Variants in GLCCI1 observed in about 807,000 individuals in gnomAD.
GLCCI1 encodes glucocorticoid-induced transcript 1 protein.
In GLCCI1, 24 loss-of-function variants were observed where a neutral mutation model predicts 52.2. The observed-to-expected ratio is 0.46, with a 90% CI of 0.33 to 0.65. The LOEUF is 0.65. GLCCI1 is among the 30% of genes least tolerant of loss of function. The pLI is 0.02. For missense variants in GLCCI1, 704 were observed against 701.5 expected (o/e 1.00, Z -0.04); for synonymous variants, 310 against 276.5 (o/e 1.12, Z -1.20).
At chr7:8,078,593 A>G (rs911989408) in intron 6 of GLCCI1, 2 of 152,304 alleles carry the variant, frequency 1.3e-5, no homozygotes, top group Admixed American at 6.5e-5. Context: ...TAATTGCTCT[A>G]TTTTTTCCTA....
intron 1 of GLCCI1, among the ~76,000 whole-genome samples, chr7:7,974,740 C>T (rs34438930): frequency 0.11 from 16,659 of 152,136 alleles, 1,205 homozygotes; most frequent in African/African-American, 0.2. Flanking sequence ...TAATAATCTG[C>T]CAAAGAGTAT....
intron 6 of GLCCI1, among the ~76,000 whole-genome samples, chr7:8,076,158 C>T (rs1782873338): frequency 6.6e-6 from 1 of 152,078 alleles, no homozygotes; most frequent in African/African-American, 2.4e-5. Context: ...TATGCTTTAA[C>T]CCTCTATTTT....
At chr7:8,038,154 A>G (rs1190060425) in intron 3 of GLCCI1, among the ~76,000 whole-genome samples, 1 of 152,210 alleles carries the variant, frequency 6.6e-6, no homozygotes. Context: ...ATGGACAAAC[A>G]TTCTAAGCTC....
At chr7:8,044,147 A>G (rs895046132) in intron 3 of GLCCI1, among the ~76,000 whole-genome samples, 3 of 151,870 alleles carry the variant, frequency 2.0e-5, no homozygotes, top group Admixed American at 2.0e-4. Context: ...GGGTTTCACC[A>G]TGTTAGCCAG....
chr7:8,059,851 A>G (rs768961529), intron 4 of GLCCI1, among the ~76,000 whole-genome samples: 82 of 152,236 alleles, frequency 5.4e-4, no homozygotes, highest in Non-Finnish European at 1.0e-3. Flanking sequence ...AAGTATATAC[A>G]TTATACAGGT....
chr7:7,982,083 G>T, intron 1 of GLCCI1: 1 of 468,362 alleles, frequency 2.1e-6, no homozygotes, highest in South Asian at 1.7e-5. Flanking sequence ...AACTGAAGTC[G>T]TAGCTGATCG....
chr7:7,973,648 A>T (rs1311945498), intron 1 of GLCCI1, among the ~76,000 whole-genome samples: 2 of 152,096 alleles, frequency 1.3e-5, no homozygotes, highest in African/African-American at 4.8e-5. Flanking sequence ...AGGTTTATTT[A>T]GGCCTAATAC....
intron 1 of GLCCI1, among the ~76,000 whole-genome samples, chr7:7,985,192 G>T (rs113537684): frequency 0.04 from 6,123 of 152,058 alleles, 155 homozygotes; most frequent in Non-Finnish European, 0.057. Context: ...TGTTGTTTTC[G>T]TATATACTTA....
intron 4 of GLCCI1, 38 bp from the exon 5 acceptor site, chr7:8,060,058 C>A: frequency 1.9e-6 from 3 of 1,553,996 alleles, no homozygotes; most frequent in South Asian, 1.2e-5. Flanking sequence ...TTGCTTTGAC[C>A]ACAAATAATT....
chr7:8,075,682 TA>T (rs1202805767), intron 6 of GLCCI1, among the ~76,000 whole-genome samples: 1 of 152,230 alleles, frequency 6.6e-6, no homozygotes, highest in African/African-American at 2.4e-5. Context: ...GCAGTTGTTA[TA>T]AAATTCTGCA....
intron 3 of GLCCI1, among the ~76,000 whole-genome samples, chr7:8,050,077 CG>C (rs1562442185): frequency 6.6e-6 from 1 of 151,918 alleles, no homozygotes; most frequent in African/African-American, 2.4e-5. Context: ...TCTGGGGGTT[CG>C]GGGGTGCGTG....
intron 3 of GLCCI1, among the ~76,000 whole-genome samples, chr7:8,051,700 G>T (rs977227753): frequency 5.9e-5 from 9 of 152,126 alleles, no homozygotes; most frequent in African/African-American, 1.9e-4. Context: ...CTTATGATGG[G>T]TGTTAATTTA....
Position 7,969,843 on chromosome 7 carries a change from G to T in GLCCI1, c.457+36G>T. 2 of 1,377,852 alleles carry T rather than the reference G, an allele frequency of 1.5e-6. No individual in the cohort carries two copies. Among genetic ancestry groups the T allele is most frequent in the East Asian group, 3.4e-5 (1 of 29,656 alleles). 85.4% of individuals were successfully genotyped at this position (1,377,852 alleles called of 1,614,324 possible). On this transcript the variant is annotated intron_variant, in intron 1 of 7. Transcript: ENST00000223145. The surrounding 1 kb of genome is among the most constrained non-coding windows in gnomAD (Gnocchi z 4.9). ...CAACCCTCCCGTCCTCCCGGGCTGC[G>T]TCTCCCCGACGGTGCCCTCCGTGGA...
intron 1 of GLCCI1, chr7:7,982,117 T>A: frequency 2.4e-6 from 1 of 413,482 alleles, no homozygotes; most frequent in Non-Finnish European, 4.8e-6. Flanking sequence ...GCCATTATAG[T>A]AATAGTCACA....
chr7:8,038,329 G>A (rs1437092453), intron 3 of GLCCI1, among the ~76,000 whole-genome samples: 3 of 152,046 alleles, frequency 2.0e-5, no homozygotes, highest in African/African-American at 7.2e-5. Context: ...AGCAAAAAAA[G>A]AAGAAAAGTT....
intron 3 of GLCCI1, among the ~76,000 whole-genome samples, chr7:8,037,242 A>G (rs1781886995): frequency 6.6e-6 from 1 of 152,198 alleles, no homozygotes. Context: ...CTAATTTCAG[A>G]CTTCTTAAAA....
At position 8,087,516 on chromosome 7, in the gene GLCCI1, G is replaced by T. The variant is rs1438360998; in HGVS notation, c.*978G>T. The stretch of plus-strand genomic sequence containing the variant: ...TTCAAAATAAGTGAAGTGTTTGACG[G>T]AATGGTTGAGATTTTTTTGTTTATG... On this transcript the variant is annotated 3_prime_UTR_variant, in exon 8 of 8. Transcript: ENST00000223145. 1 of 152,628 alleles carries T rather than the reference G, an allele frequency of 6.6e-6. No homozygotes were observed. The highest frequency in any genetic ancestry group is 1.5e-5 in the Non-Finnish European group (1 of 68,030). The allele number at this position is 152,628 out of a possible 1,614,324, so 9.5% of individuals were successfully genotyped here.
chr7:8,041,907 A>G (rs767419894), intron 3 of GLCCI1, among the ~76,000 whole-genome samples: 1 of 152,126 alleles, frequency 6.6e-6, no homozygotes, highest in Non-Finnish European at 1.5e-5. Flanking sequence ...TGATGATTTA[A>G]GCCAGTGCTC....
intron 1 of GLCCI1, among the ~76,000 whole-genome samples, chr7:7,992,101 G>C (rs78092986): frequency 1.1e-5 from 1 of 93,878 alleles, no homozygotes; most frequent in Non-Finnish European, 2.2e-5. Flanking sequence ...CTTTCTTTCT[G>C]TCTGTTTCTC....
Sources: gnomAD v4.1 joint callset for allele counts (sites outside exome capture counted in the v4.1 genomes callset) on GRCh38, gnomAD v4.1.1 for gene constraint, Gnocchi (gnomAD v3.1) non-coding constraint, MANE v1.5 for transcripts, NCBI Gene and HGNC (gene_info 2026-07-23, HGNC 2026-07-21) for gene names.